WDR7: variants seen among roughly 807,000 people sequenced by gnomAD.
WDR7 encodes WD repeat-containing protein 7.
Under a neutral mutation model 169.4 loss-of-function variants are expected in WDR7, and 46 were observed. That is an observed-to-expected ratio of 0.27 (90% CI 0.21 to 0.35). The LOEUF is 0.35. Ranked by LOEUF, WDR7 falls within the 10% of genes least tolerant of loss-of-function variation. The probability of loss-of-function intolerance (pLI) is 1.00; values close to 1 mark genes in which losing one functional copy is unlikely to be tolerated. For missense variants in WDR7, 1,534 were observed against 1,859.3 expected (o/e 0.83, Z 3.22); for synonymous variants, 612 against 666.8 (o/e 0.92, Z 1.27).
At chr18:56,956,945 G>A (rs746270604) in intron 25 of WDR7, among the ~76,000 whole-genome samples, 9 of 152,086 alleles carry the variant, frequency 5.9e-5, no homozygotes, top group Non-Finnish European at 7.4e-5. Flanking sequence ...ATACCAAGTA[G>A]GAACATTCTT....
At chr18:56,675,156 C>T (rs1310616242) in intron 2 of WDR7, among the ~76,000 whole-genome samples, 2 of 152,036 alleles carry the variant, frequency 1.3e-5, no homozygotes, top group Non-Finnish European at 2.9e-5. Flanking sequence ...TATGTGAGTC[C>T]TCCAGTATTG....
rs1183115483 is a variant in WDR7 at position 56,757,148 on chromosome 18, A to T, written c.2555A>T (p.Asn852Ile). The T allele has an allele frequency of 6.2e-7, 1 of 1,614,142 alleles. No individual in the cohort carries two copies. Among genetic ancestry groups the T allele is most frequent in the East Asian group, 2.2e-5 (1 of 44,880 alleles). Residue 852 changes from asparagine to isoleucine, a missense_variant, in exon 15 of 28, where the codon AAT (asparagine) becomes ATT (isoleucine). Asn to Ile is a moderately radical substitution (Grantham distance 149). Coordinates refer to ENST00000254442, the MANE Select transcript of WDR7 (RefSeq NM_015285.3). ...ATGTCACTGATGCTGCCGGGTTATA[A>T]TCAGCCTGCTTGTAAACTGTCACAT... ...GHMSLMLPGY[N>I]QPACKLSHGK...
chr18:56,762,117 T>C (rs1371389669), intron 16 of WDR7, among the ~76,000 whole-genome samples: 1 of 152,124 alleles, frequency 6.6e-6, no homozygotes, highest in Non-Finnish European at 1.5e-5. Flanking sequence ...TTAATTTTCC[T>C]CTATTAATGT....
At chr18:56,764,712 G>A (rs913440261) in intron 16 of WDR7, among the ~76,000 whole-genome samples, 5 of 152,118 alleles carry the variant, frequency 3.3e-5, no homozygotes, top group African/African-American at 1.2e-4. Flanking sequence ...TACTTCAGAA[G>A]AATGTGTATT....
chr18:56,972,945 CCT>C (rs1233614059), intron 26 of WDR7, among the ~76,000 whole-genome samples: 1 of 152,128 alleles, frequency 6.6e-6, no homozygotes, highest in Non-Finnish European at 1.5e-5. Flanking sequence ...CTCACTGCAA[CCT>C]CTGTTTCCTG....
At chr18:57,008,411 C>T (rs1333199513) in intron 26 of WDR7, among the ~76,000 whole-genome samples, 1 of 152,198 alleles carries the variant, frequency 6.6e-6, no homozygotes, top group Non-Finnish European at 1.5e-5. Context: ...TTTCTTGACA[C>T]CACAAGAAGG....
At chr18:57,011,601 T>C (rs2048136377) in intron 26 of WDR7, among the ~76,000 whole-genome samples, 1 of 152,250 alleles carries the variant, frequency 6.6e-6, no homozygotes. Context: ...AGGTTGACTT[T>C]ATAACATAAA....
At chr18:56,962,329 G>A (rs1399685437) in intron 25 of WDR7, 101 bp from the exon 26 acceptor site, 5 of 724,694 alleles carry the variant, frequency 6.9e-6, no homozygotes, top group Non-Finnish European at 1.2e-5. Flanking sequence ...ATATATATCA[G>A]AGCTGGCTTT....
At chr18:56,672,383 A>T (rs2025154998) in intron 1 of WDR7, 114 bp from the exon 2 acceptor site, 1 of 837,384 alleles carries the variant, frequency 1.2e-6, no homozygotes, top group African/African-American at 1.8e-5. Context: ...AGTAGCTGTA[A>T]TTCACTCCCA....
intron 25 of WDR7, 140 bp downstream of exon 25, chr18:56,939,533 AT>A (rs1316633082): frequency 9.7e-6 from 5 of 517,072 alleles, no homozygotes; most frequent in Non-Finnish European, 1.6e-5. Flanking sequence ...CTAAAACAAT[AT>A]GGGCAGGTTA....
intron 26 of WDR7, among the ~76,000 whole-genome samples, chr18:56,986,708 CAG>C (rs1406577902): frequency 6.6e-6 from 1 of 151,498 alleles, no homozygotes; most frequent in African/African-American, 2.4e-5. Context: ...TTGATGTAAA[CAG>C]AACCCAATGA....
chr18:56,705,817 T>G (rs1010063550), intron 12 of WDR7, among the ~76,000 whole-genome samples: 6 of 152,114 alleles, frequency 3.9e-5, no homozygotes, highest in Admixed American at 2.0e-4. Flanking sequence ...GCCAACATGG[T>G]GAAACCCCAT....
rs879403063 is a variant in WDR7 at position 56,853,537 on chromosome 18, T to C, written c.3305-26407T>C. ...TTTCTAATTTTAAATATATTTCGTT[T>C]AATCAGTCAGTCACCTAATTTTAAC... On this transcript the variant is annotated intron_variant, in intron 20 of 27. Coordinates refer to ENST00000254442, the MANE Select transcript of WDR7 (RefSeq NM_015285.3). Among the ~76,000 whole-genome samples, 5 of 152,318 alleles carry C rather than the reference T, an allele frequency of 3.3e-5. No individual in the cohort carries two copies. The East Asian group carries it at 5.8e-4, about 18-fold the overall frequency.
chr18:56,751,354 TC>T (rs2144908324), intron 14 of WDR7, among the ~76,000 whole-genome samples: 1 of 152,344 alleles, frequency 6.6e-6, no homozygotes, highest in South Asian at 2.1e-4. Flanking sequence ...CACTCTTGCC[TC>T]CTTTTTTCTT....
chr18:56,903,262 T>C (rs1007186829), intron 21 of WDR7, among the ~76,000 whole-genome samples: 2 of 152,198 alleles, frequency 1.3e-5, no homozygotes, highest in African/African-American at 4.8e-5. Context: ...ATTCCATGAA[T>C]GAAGTTGTAA....
intron 1 of WDR7, among the ~76,000 whole-genome samples, chr18:56,659,437 A>T (rs2144434190): frequency 6.6e-6 from 1 of 152,340 alleles, no homozygotes. Flanking sequence ...CTGGGAATAC[A>T]ATAGAGAAGA....
intron 25 of WDR7, chr18:56,957,429 C>T (rs1205717585): frequency 6.6e-6 from 1 of 150,768 alleles, no homozygotes; most frequent in East Asian, 1.9e-4. Context: ...TTCTTCTCTT[C>T]CTCTGCGAGA....
At position 57,001,039 on chromosome 18, in the gene WDR7, C is replaced by G. The variant is rs965796703; in HGVS notation, c.4165-19706C>G. Among the ~76,000 whole-genome samples the G allele has an allele frequency of 3.4e-5, 5 of 147,346 alleles. No individual in the cohort carries two copies. The East Asian group carries it at 6.3e-4, about 18-fold the overall frequency. ...ATAGTGTAAAACCATGAGACCCCAT[C>G]TCTACAAAAGAGAGAGAGAGAGAGA... On this transcript the variant is annotated intron_variant, in intron 26 of 27. Transcript: ENST00000254442.
Position 56,779,521 on chromosome 18 carries a change from C to T in WDR7, c.3038C>T (p.Ala1013Val). The stretch of plus-strand genomic sequence containing the variant: ...AGGCCTCCCCTTCTGGAGATGCTGG[C>T]CCGAAGATGGCAAGATCGATGCTTG... ...KFRPPLLEML[A>V]RRWQDRCLEV... The change falls in exon 18 of 28, where the codon GCC (alanine) becomes GTC (valine). Residue 1013 changes from alanine (A) to valine (V), a missense_variant. Transcript: ENST00000254442. The T allele has an allele frequency of 6.2e-7, 1 of 1,613,828 alleles. No individual in the cohort carries two copies. The highest frequency in any genetic ancestry group is 8.5e-7 in the Non-Finnish European group (1 of 1,179,842).
Sources: gnomAD v4.1 joint callset for allele counts (sites outside exome capture counted in the v4.1 genomes callset) on GRCh38, gnomAD v4.1.1 for gene constraint, MANE v1.5 for transcripts, NCBI Gene and HGNC (gene_info 2026-07-23, HGNC 2026-07-21) for gene names.